SLC4A10: variants seen among roughly 807,000 people sequenced by gnomAD.
SLC4A10 encodes solute carrier family 4 member 10, also known as sodium-driven chloride bicarbonate exchanger.
Under a neutral mutation model 137.7 loss-of-function variants are expected in SLC4A10, and 42 were observed. The ratio of observed to expected loss-of-function variants is 0.30; its 90% CI spans 0.24 to 0.39. The LOEUF is 0.39. Among genes scored for constraint, SLC4A10 ranks in the 10% least tolerant of loss-of-function variants. The pLI is 1.00. For missense variants in SLC4A10, 925 were observed against 1,355.0 expected (o/e 0.68, Z 4.98); for synonymous variants, 474 against 464.1 (o/e 1.02, Z -0.27).
chr2:161,885,093 A>C (rs2125989220), intron 10 of SLC4A10, among the ~76,000 whole-genome samples: 1 of 152,222 alleles, frequency 6.6e-6, no homozygotes, highest in South Asian at 2.1e-4. Flanking sequence ...GGGGAGAATC[A>C]CTTGAACCTG....
chr2:161,706,837 C>T (rs2043725481), intron 1 of SLC4A10, among the ~76,000 whole-genome samples: 1 of 151,392 alleles, frequency 6.6e-6, no homozygotes, highest in African/African-American at 2.4e-5. Flanking sequence ...TTTTCTGATC[C>T]CTAGATTAGG....
chr2:161,967,519 G>A (rs1245439497), intron 23 of SLC4A10, among the ~76,000 whole-genome samples: 1 of 152,096 alleles, frequency 6.6e-6, no homozygotes, highest in Non-Finnish European at 1.5e-5. Flanking sequence ...TATTGTTTTT[G>A]AACTGCTTGG....
intron 11 of SLC4A10, 87 bp from the exon 12 acceptor site, chr2:161,900,824 C>T: frequency 1.0e-6 from 1 of 965,886 alleles, no homozygotes; most frequent in Non-Finnish European, 1.5e-6. Context: ...CATATTGCTT[C>T]AAGGAAAAAT....
chr2:161,927,351 C>A lies in SLC4A10; in HGVS notation c.1998-15441C>A, dbSNP rs554338972. On this transcript the variant is annotated intron_variant, in intron 15 of 26. Coordinates refer to ENST00000446997, the MANE Select transcript of SLC4A10 (RefSeq NM_001178015.2). ...TAACCTTTCTTCCAGTTGATCACATCAGCTCCTGTGGCTTCTGCATTCTTT... is the reference window on the plus strand; with the variant it reads ...TAACCTTTCTTCCAGTTGATCACATAAGCTCCTGTGGCTTCTGCATTCTTT... Among the ~76,000 whole-genome samples, 3 of 152,266 alleles carry A rather than the reference C, an allele frequency of 2.0e-5. No homozygotes were observed. In the South Asian group the frequency reaches 6.2e-4, roughly 32 times the overall value.
chr2:161,646,246 A>C (rs970915402), intron 1 of SLC4A10, among the ~76,000 whole-genome samples: 22 of 151,982 alleles, frequency 1.4e-4, no homozygotes, highest in African/African-American at 5.1e-4. Flanking sequence ...AGTTTTTATG[A>C]CTCGTAGTGA....
At chr2:161,878,053 C>T (rs929723893) in intron 8 of SLC4A10, among the ~76,000 whole-genome samples, 2 of 152,008 alleles carry the variant, frequency 1.3e-5, no homozygotes, top group African/African-American at 4.8e-5. Context: ...TGGATTTTTT[C>T]ATTTTAAATT....
intron 4 of SLC4A10, among the ~76,000 whole-genome samples, chr2:161,841,785 G>A (rs770828547): frequency 5.9e-5 from 9 of 152,088 alleles, no homozygotes; most frequent in Non-Finnish European, 1.0e-4. Flanking sequence ...GGTATAGGAT[G>A]GCAGAAAAGT....
rs1283754470 is a variant in SLC4A10 at position 161,777,681 on chromosome 2, C to T, written c.130+6627C>T. Among the ~76,000 whole-genome samples, 8 of 151,896 alleles carry T rather than the reference C, an allele frequency of 5.3e-5. No homozygotes were observed. The South Asian group carries it at 1.7e-3, about 31-fold the overall frequency. On this transcript the variant is annotated intron_variant, in intron 2 of 26. Coordinates refer to ENST00000446997, the MANE Select transcript of SLC4A10 (RefSeq NM_001178015.2). ...TCCCGTTTTTAAAACCATCAGATCT[C>T]CTGAGACCCATTTACTGTCACGAGA...
chr2:161,907,974 C>T (rs1218966167), intron 15 of SLC4A10, among the ~76,000 whole-genome samples: 1 of 152,126 alleles, frequency 6.6e-6, no homozygotes, highest in African/African-American at 2.4e-5. Context: ...CTCAGCTGTT[C>T]TTTGAACCTT....
intron 1 of SLC4A10, among the ~76,000 whole-genome samples, chr2:161,664,263 G>C (rs1007149402): frequency 1.3e-5 from 2 of 152,056 alleles, no homozygotes; most frequent in East Asian, 3.9e-4. Flanking sequence ...AAACAAAATA[G>C]TTGACGCTTT....
chr2:161,630,057 A>T (rs564423151), intron 1 of SLC4A10, among the ~76,000 whole-genome samples: 2 of 151,830 alleles, frequency 1.3e-5, no homozygotes, highest in Non-Finnish European at 2.9e-5. Flanking sequence ...AATACTAAGG[A>T]TGTTATTACT....
intron 16 of SLC4A10, among the ~76,000 whole-genome samples, chr2:161,943,125 A>G (rs1001641715): frequency 6.6e-6 from 1 of 152,152 alleles, no homozygotes; most frequent in Non-Finnish European, 1.5e-5. Flanking sequence ...TCACTTATAC[A>G]GAAATATGTG....
At chr2:161,874,829 A>G (rs778297720) in intron 8 of SLC4A10, among the ~76,000 whole-genome samples, 1 of 152,222 alleles carries the variant, frequency 6.6e-6, no homozygotes. Flanking sequence ...CTCATTTGCA[A>G]AGTAAGAAAA....
chr2:161,774,026 G>A (rs1438967180), intron 2 of SLC4A10, among the ~76,000 whole-genome samples: 1 of 151,660 alleles, frequency 6.6e-6, no homozygotes, highest in East Asian at 1.9e-4. Context: ...TGTGGACTGA[G>A]TCTTTCCCAT....
At chr2:161,851,992 C>A (rs1650314416) in intron 4 of SLC4A10, among the ~76,000 whole-genome samples, 1 of 152,170 alleles carries the variant, frequency 6.6e-6, no homozygotes, top group African/African-American at 2.4e-5. Context: ...TGGGCTCAAG[C>A]AATCCTGCCA....
intron 2 of SLC4A10, among the ~76,000 whole-genome samples, chr2:161,783,152 T>A (rs550982473): frequency 1.3e-5 from 2 of 152,092 alleles, no homozygotes; most frequent in African/African-American, 4.8e-5. Flanking sequence ...AGCAACTTTT[T>A]TGCAGATGAG....
At chr2:161,746,719 T>C (rs1332258611) in intron 1 of SLC4A10, among the ~76,000 whole-genome samples, 2 of 151,992 alleles carry the variant, frequency 1.3e-5, no homozygotes, top group African/African-American at 4.8e-5. Flanking sequence ...TGGTACTGGG[T>C]CTTGCCTAAG....
At chr2:161,747,440 T>C (rs2048504321) in intron 1 of SLC4A10, among the ~76,000 whole-genome samples, 1 of 152,182 alleles carries the variant, frequency 6.6e-6, no homozygotes, top group African/African-American at 2.4e-5. Context: ...GGAGGAGTTT[T>C]GTCAGCAATT....
intron 1 of SLC4A10, among the ~76,000 whole-genome samples, chr2:161,751,380 G>T (rs922588824): frequency 7.0e-6 from 1 of 143,396 alleles, no homozygotes. Flanking sequence ...ATATTGCTAG[G>T]TTTAATTACT....
Sources: allele counts gnomAD v4.1 joint callset (sites outside exome capture counted in the v4.1 genomes callset), GRCh38; gene constraint gnomAD v4.1.1; transcripts MANE v1.5; gene names NCBI Gene and HGNC (gene_info 2026-07-23, HGNC 2026-07-21).